SCG5: variants seen among roughly 807,000 people sequenced by gnomAD.
SCG5 encodes the protein neuroendocrine protein 7B2.
Under a neutral mutation model 25.7 loss-of-function variants are expected in SCG5, and 18 were observed. That is an observed-to-expected ratio of 0.70 (90% CI 0.48 to 1.04). The LOEUF (loss-of-function observed/expected upper bound fraction) is 1.04, where lower values mean the gene tolerates loss of function less well. SCG5 is among the 50% of genes least tolerant of loss of function. The pLI, the probability that SCG5 is intolerant of heterozygous loss-of-function variation, is 0.00. For synonymous variants in SCG5, 101 were observed against 91.7 expected (o/e 1.10, Z -0.58); for missense variants, 206 against 259.8 (o/e 0.79, Z 1.42).
At chr15:32,660,019 AAGGAG>A (rs1567074862) in intron 2 of SCG5, among the ~76,000 whole-genome samples, 1 of 152,220 alleles carries the variant, frequency 6.6e-6, no homozygotes, top group Non-Finnish European at 1.5e-5. Flanking sequence ...TTTGCAAAGG[AAGGAG>A]AGGAAAGAGC....
intron 2 of SCG5, chr15:32,673,134 G>A (rs1022571085): frequency 1.3e-5 from 2 of 152,126 alleles, no homozygotes; most frequent in African/African-American, 4.8e-5. Flanking sequence ...AATTCCCACA[G>A]AACTAGCGTA....
In SCG5 at chr15:32,691,060, T is replaced by A. The variant is rs561791714; in HGVS notation, c.490-650T>A. The stretch of plus-strand genomic sequence containing the variant: ...AGAGCTCATTGAAGCCCACTATGTG[T>A]TTGAAATACAGCAATGTGTGGAAAC... On this transcript the variant is annotated intron_variant, in intron 4 of 5. Coordinates refer to ENST00000300175, the MANE Select transcript of SCG5 (RefSeq NM_001144757.3). Among the ~76,000 whole-genome samples the A allele has an allele frequency of 5.6e-4, 86 of 152,260 alleles. 1 individual carries two copies. Among genetic ancestry groups the A allele is most frequent in the African/African-American group, 1.9e-3 (80 of 41,538 alleles).
At chr15:32,683,317 C>G (rs568446446) in intron 3 of SCG5, among the ~76,000 whole-genome samples, 1 of 152,092 alleles carries the variant, frequency 6.6e-6, no homozygotes, top group Non-Finnish European at 1.5e-5. Flanking sequence ...CCTTCTTCCC[C>G]CTAACCCTGC....
chr15:32,651,470 C>T (rs1414370178), intron 2 of SCG5, among the ~76,000 whole-genome samples: 1 of 152,168 alleles, frequency 6.6e-6, no homozygotes, highest in Non-Finnish European at 1.5e-5. Flanking sequence ...GTGAAGCAAA[C>T]CTTGAACTGT....
chr15:32,649,516 G>A (rs973086451), intron 2 of SCG5, among the ~76,000 whole-genome samples: 8 of 152,116 alleles, frequency 5.3e-5, no homozygotes, highest in African/African-American at 1.9e-4. Flanking sequence ...TGCAGTCCTG[G>A]GACTAAACCA....
chr15:32,687,546 G>C (rs2054739082), intron 4 of SCG5, among the ~76,000 whole-genome samples: 1 of 152,122 alleles, frequency 6.6e-6, no homozygotes, highest in Non-Finnish European at 1.5e-5. Flanking sequence ...TTCTAAACTG[G>C]GAACCACAAA....
At chr15:32,682,705 C>T (rs546214725) in intron 3 of SCG5, among the ~76,000 whole-genome samples, 20 of 152,336 alleles carry the variant, frequency 1.3e-4, no homozygotes, top group African/African-American at 4.3e-4. Flanking sequence ...AGAATGAAAT[C>T]GCTTGCTAAA....
chr15:32,692,093 G>C (rs1414808438), intron 5 of SCG5: 2 of 1,169,746 alleles, frequency 1.7e-6, no homozygotes, highest in Admixed American at 4.6e-5. Context: ...GCCCTCCCAG[G>C]GTCTGTAGGC....
At chr15:32,656,242 C>T (rs901269115) in intron 2 of SCG5, 1 of 152,166 alleles carries the variant, frequency 6.6e-6, no homozygotes, top group African/African-American at 2.4e-5. Flanking sequence ...CTGTTCAAAA[C>T]TCAGAGTGTT....
chr15:32,649,908 C>G (rs2054006567), intron 2 of SCG5, among the ~76,000 whole-genome samples: 1 of 151,952 alleles, frequency 6.6e-6, no homozygotes, highest in Non-Finnish European at 1.5e-5. Flanking sequence ...AAAATCGGCC[C>G]AAATAAAATG....
At chr15:32,658,041 AG>A (rs2054154249) in intron 2 of SCG5, among the ~76,000 whole-genome samples, 2 of 152,302 alleles carry the variant, frequency 1.3e-5, no homozygotes, top group African/African-American at 4.8e-5. Context: ...AGGCATCCAG[AG>A]GTGTAAGAAT....
intron 2 of SCG5, among the ~76,000 whole-genome samples, chr15:32,657,360 G>A (rs1358403014): frequency 1.3e-5 from 2 of 150,396 alleles, no homozygotes; most frequent in African/African-American, 4.9e-5. Context: ...GGCCTTAAGT[G>A]CTCTGCTCTG....
intron 2 of SCG5, among the ~76,000 whole-genome samples, chr15:32,646,475 C>T (rs974555604): frequency 3.9e-5 from 6 of 152,192 alleles, no homozygotes; most frequent in African/African-American, 1.4e-4. Context: ...CACATGCCTT[C>T]TCATAGCTGG....
chr15:32,691,497 G>A (rs2054856013), intron 4 of SCG5, among the ~76,000 whole-genome samples: 1 of 152,166 alleles, frequency 6.6e-6, no homozygotes, highest in Non-Finnish European at 1.5e-5. Flanking sequence ...GTGCCTCAGG[G>A]CATTGCAGAG....
chr15:32,693,405 C>T (rs1441697906), intron 5 of SCG5, among the ~76,000 whole-genome samples: 1 of 152,138 alleles, frequency 6.6e-6, no homozygotes, highest in East Asian at 1.9e-4. Context: ...CACTTTGACC[C>T]AGAGATATCA....
chr15:32,691,727 C>T lies in SCG5; in HGVS notation c.507C>T (p.Tyr169=), dbSNP rs376492769. ...CATTCTAGAACAAGAAACTCCTTTA[C>T]GAGAAGATGAAGGGAGGAGAGAGAC... The part of the protein sequence containing the change: ...GLGKWNKKLL[Y]EKMKGGERRK... Residue 169 remains tyrosine (Y), a synonymous_variant, in exon 5 of 6, where the codon TAC becomes TAT. Transcript: ENST00000300175. 111 of 1,610,264 alleles carry T rather than the reference C, an allele frequency of 6.9e-5. No homozygotes were observed. The highest frequency in any genetic ancestry group is 1.2e-4 in the African/African-American group (9 of 74,722).
chr15:32,689,081 A>G (rs976658530), intron 4 of SCG5, among the ~76,000 whole-genome samples: 5 of 152,170 alleles, frequency 3.3e-5, no homozygotes, highest in African/African-American at 1.2e-4. Context: ...GATGCTTACC[A>G]GATTCAATAA....
intron 4 of SCG5, among the ~76,000 whole-genome samples, chr15:32,686,652 C>T (rs1340699157): frequency 6.6e-6 from 1 of 151,512 alleles, no homozygotes; most frequent in Non-Finnish European, 1.5e-5. Context: ...AAGAGATCCA[C>T]AAGAGGTGAT....
At chr15:32,649,317 T>C (rs147654421) in intron 2 of SCG5, among the ~76,000 whole-genome samples, 1 of 152,358 alleles carries the variant, frequency 6.6e-6, no homozygotes, top group African/African-American at 2.4e-5. Context: ...TTCTGCCTTT[T>C]AGTTCAAGGA....
Sources: gnomAD v4.1 joint callset for allele counts (sites outside exome capture counted in the v4.1 genomes callset) on GRCh38, gnomAD v4.1.1 for gene constraint, MANE v1.5 for transcripts, NCBI Gene and HGNC (gene_info 2026-07-23, HGNC 2026-07-21) for gene names.